The following ASIC2 variants were observed in gnomAD, a reference collection of about 807,000 sequenced individuals.
The protein encoded by ASIC2 is acid sensing ion channel subunit 2, also known as acid-sensing ion channel 2.
In ASIC2, 25 loss-of-function variants were observed where a neutral mutation model predicts 57.3. The observed-to-expected ratio is 0.44, with a 90% CI of 0.32 to 0.61. ASIC2 has a LOEUF of 0.61. Among genes scored for constraint, ASIC2 ranks in the 20% least tolerant of loss-of-function variants. The pLI is 0.06. For synonymous variants in ASIC2, 319 were observed against 307.5 expected, an observed-to-expected ratio of 1.04 and a Z score of -0.39; for missense variants, 641 against 738.1, an observed-to-expected ratio of 0.87 and a Z score of 1.52.
chr17:33,518,998 T>C (rs1914658940), intron 1 of ASIC2, among the ~76,000 whole-genome samples: 1 of 152,048 alleles, frequency 6.6e-6, no homozygotes, highest in Admixed American at 6.5e-5. Flanking sequence ...TTTTTTGTAT[T>C]TTCAGTAGAG....
At chr17:33,810,250 G>A (rs1201592822) in intron 1 of ASIC2, among the ~76,000 whole-genome samples, 1 of 152,186 alleles carries the variant, frequency 6.6e-6, no homozygotes, top group African/African-American at 2.4e-5. Flanking sequence ...ATGTCTTAAC[G>A]TTTTAGGGAA....
intron 1 of ASIC2, among the ~76,000 whole-genome samples, chr17:33,930,762 T>C (rs1412516309): frequency 1.3e-5 from 2 of 152,096 alleles, no homozygotes; most frequent in Admixed American, 6.5e-5. Context: ...ACAGGAGCCA[T>C]GTGTGAGTCC....
intron 1 of ASIC2, among the ~76,000 whole-genome samples, chr17:33,592,646 A>T (rs1904862333): frequency 6.6e-6 from 1 of 152,218 alleles, no homozygotes; most frequent in Non-Finnish European, 1.5e-5. Flanking sequence ...AAGCTTAAGG[A>T]TGGGTGTAGA....
chr17:33,788,413 GA>G (rs1911668442), intron 1 of ASIC2, among the ~76,000 whole-genome samples: 1 of 152,170 alleles, frequency 6.6e-6, no homozygotes, highest in Admixed American at 6.5e-5. Flanking sequence ...ATAGATGCTG[GA>G]GAGATGGTGG....
At chr17:33,756,237 C>A (rs916961158) in intron 1 of ASIC2, among the ~76,000 whole-genome samples, 2 of 152,210 alleles carry the variant, frequency 1.3e-5, no homozygotes, top group African/African-American at 4.8e-5. Flanking sequence ...GACCACTGAC[C>A]TATTCAATGC....
chr17:33,211,842 C>T (rs930137765), intron 1 of ASIC2, among the ~76,000 whole-genome samples: 1 of 152,156 alleles, frequency 6.6e-6, no homozygotes, highest in East Asian at 1.9e-4. Flanking sequence ...ACCACCATAC[C>T]CTCCTTCCCA....
chr17:33,877,897 C>A (rs2141937015), intron 1 of ASIC2, among the ~76,000 whole-genome samples: 1 of 152,316 alleles, frequency 6.6e-6, no homozygotes, highest in African/African-American at 2.4e-5. Context: ...CTGGGTACTC[C>A]TCTGAGACAA....
At chr17:33,835,132 C>T (rs1256699792) in intron 1 of ASIC2, among the ~76,000 whole-genome samples, 1 of 152,154 alleles carries the variant, frequency 6.6e-6, no homozygotes, top group East Asian at 1.9e-4. Flanking sequence ...TTTGACCTGG[C>T]CTCAGAGGCA....
rs1453663266 is a variant in ASIC2 at position 33,146,134 on chromosome 17, C to T, written c.709-34067G>A. Among the ~76,000 whole-genome samples the T allele has an allele frequency of 2.0e-5, 3 of 152,162 alleles. No homozygotes were observed. The East Asian group carries it at 5.8e-4, about 29-fold the overall frequency. On this transcript the variant is annotated intron_variant, in intron 1 of 9. Transcript: ENST00000225823. Reference sequence around the variant, plus strand: ...CTATATTTCATGACAGAGATGAGAACAGGAAGCTCAACTTCCCGCCTCCTC... The same window carrying T: ...CTATATTTCATGACAGAGATGAGAATAGGAAGCTCAACTTCCCGCCTCCTC...
chr17:33,820,287 A>T (rs1912706242), intron 1 of ASIC2, among the ~76,000 whole-genome samples: 1 of 152,214 alleles, frequency 6.6e-6, no homozygotes, highest in Admixed American at 6.5e-5. Context: ...CAGACCAGTT[A>T]TTTTCATTGA....
At chr17:33,732,318 C>T (rs1005930959) in intron 1 of ASIC2, among the ~76,000 whole-genome samples, 1 of 152,162 alleles carries the variant, frequency 6.6e-6, no homozygotes, top group African/African-American at 2.4e-5. Context: ...ATTCTTCCTT[C>T]ATGTCAGGCG....
intron 3 of ASIC2, among the ~76,000 whole-genome samples, chr17:33,032,440 GT>G (rs60183644): frequency 3.4e-3 from 318 of 94,072 alleles, no homozygotes; most frequent in African/African-American, 0.013. Context: ...ATAATACACT[GT>G]TTTTTTTTTT....
chr17:33,904,626 C>G (rs1915308866), intron 1 of ASIC2, among the ~76,000 whole-genome samples: 1 of 152,170 alleles, frequency 6.6e-6, no homozygotes, highest in African/African-American at 2.4e-5. Context: ...TGATAAGAAC[C>G]ACCACTTTGA....
At chr17:33,692,701 A>T (rs1326067194) in intron 1 of ASIC2, among the ~76,000 whole-genome samples, 1 of 152,198 alleles carries the variant, frequency 6.6e-6, no homozygotes, top group African/African-American at 2.4e-5. Context: ...AGGCCTAGGG[A>T]ATTACTGTAT....
chr17:33,344,780 G>A (rs182249745), intron 1 of ASIC2, among the ~76,000 whole-genome samples: 13 of 152,106 alleles, frequency 8.5e-5, no homozygotes, highest in Non-Finnish European at 1.6e-4. Flanking sequence ...ATTTGCATCT[G>A]GGAGACAGGC....
At chr17:33,205,480 G>T (rs753501807) in intron 1 of ASIC2, among the ~76,000 whole-genome samples, 1 of 152,128 alleles carries the variant, frequency 6.6e-6, no homozygotes, top group African/African-American at 2.4e-5. Flanking sequence ...ACTTATCAAA[G>T]GTTCTAATAA....
intron 1 of ASIC2, among the ~76,000 whole-genome samples, chr17:33,985,804 C>T (rs1214242601): frequency 6.6e-6 from 1 of 152,200 alleles, no homozygotes. Context: ...TTTACATTGG[C>T]TGAAAAAGCC....
chr17:33,721,185 T>A (rs1423231380), intron 1 of ASIC2, among the ~76,000 whole-genome samples: 1 of 152,210 alleles, frequency 6.6e-6, no homozygotes, highest in Non-Finnish European at 1.5e-5. Context: ...AATAACTTGT[T>A]GCACAGTCTC....
intron 1 of ASIC2, among the ~76,000 whole-genome samples, chr17:33,330,869 C>T (rs757052975): frequency 3.3e-5 from 5 of 152,046 alleles, no homozygotes; most frequent in Non-Finnish European, 7.4e-5. Context: ...CCTGACTGGC[C>T]TAGGGTTTGC....
Sources: allele counts gnomAD v4.1 joint callset (sites outside exome capture counted in the v4.1 genomes callset), GRCh38; gene constraint gnomAD v4.1.1; transcripts MANE v1.5; gene names NCBI Gene and HGNC (gene_info 2026-07-23, HGNC 2026-07-21).